Variants in KLHL32 observed in about 807,000 individuals in gnomAD.
KLHL32 encodes kelch-like protein 32.
Under a neutral mutation model 64.8 loss-of-function variants are expected in KLHL32, and 35 were observed. That is an observed-to-expected ratio of 0.54 (90% CI 0.41 to 0.72). The LOEUF (loss-of-function observed/expected upper bound fraction) is 0.72. Among genes scored for constraint, KLHL32 ranks in the 30% least tolerant of loss-of-function variants. The probability of loss-of-function intolerance (pLI) is 0.00; values close to 1 mark genes in which losing one functional copy is unlikely to be tolerated. For missense variants in KLHL32, 589 were observed against 768.5 expected (o/e 0.77, Z 2.76); for synonymous variants, 259 against 281.0 (o/e 0.92, Z 0.78).
intron 3 of KLHL32, among the ~76,000 whole-genome samples, chr6:97,023,640 C>T (rs2128106903): frequency 6.6e-6 from 1 of 152,300 alleles, no homozygotes; most frequent in East Asian, 1.9e-4. Context: ...ATGCATACTG[C>T]TGAAATGGAG....
intron 7 of KLHL32, among the ~76,000 whole-genome samples, chr6:97,126,811 T>G (rs1403725629): frequency 6.6e-6 from 1 of 152,234 alleles, no homozygotes; most frequent in Admixed American, 6.5e-5. Context: ...CTGGGGTATA[T>G]AAAATTTATT....
chr6:96,947,045 A>T (rs1309138361), intron 1 of KLHL32, among the ~76,000 whole-genome samples: 1 of 152,206 alleles, frequency 6.6e-6, no homozygotes, highest in Non-Finnish European at 1.5e-5. Flanking sequence ...AAATGTTAAA[A>T]GAAATTTATC....
intron 1 of KLHL32, among the ~76,000 whole-genome samples, chr6:96,936,313 T>G (rs1009625305): frequency 6.6e-6 from 1 of 152,226 alleles, no homozygotes; most frequent in African/African-American, 2.4e-5. Context: ...GAAACCTACC[T>G]TATAGTGAAG....
chr6:96,947,648 T>C (rs1772083462), intron 1 of KLHL32, among the ~76,000 whole-genome samples: 1 of 152,216 alleles, frequency 6.6e-6, no homozygotes, highest in Non-Finnish European at 1.5e-5. Flanking sequence ...TATTGCCTTT[T>C]GTACTCTGGC....
At chr6:96,928,634 T>C (rs1769467906) in intron 1 of KLHL32, among the ~76,000 whole-genome samples, 1 of 152,230 alleles carries the variant, frequency 6.6e-6, no homozygotes, top group Non-Finnish European at 1.5e-5. Context: ...ACCATGATGA[T>C]GTGTCTACAT....
intron 2 of KLHL32, among the ~76,000 whole-genome samples, chr6:96,973,985 G>T (rs9487633): frequency 6.6e-6 from 1 of 152,000 alleles, no homozygotes; most frequent in East Asian, 1.9e-4. Flanking sequence ...GCCTGCCAAA[G>T]TACTGGGATT....
chr6:97,012,800 G>A (rs1457523068), intron 3 of KLHL32, among the ~76,000 whole-genome samples: 1 of 152,194 alleles, frequency 6.6e-6, no homozygotes, highest in African/African-American at 2.4e-5. Flanking sequence ...CATATAAGAA[G>A]TAATTGGGTT....
chr6:97,112,452 T>C (rs540267345), intron 6 of KLHL32, among the ~76,000 whole-genome samples: 1 of 152,190 alleles, frequency 6.6e-6, no homozygotes, highest in East Asian at 1.9e-4. Context: ...ATTGATGATT[T>C]TTTTTTTTTC....
At chr6:97,056,106 C>CTTTTTTTTTTTTTTTTTTTTTTTTTTT (rs1171932769) in intron 4 of KLHL32, among the ~76,000 whole-genome samples, 9 of 85,072 alleles carry the variant, frequency 1.1e-4, no homozygotes, top group African/African-American at 2.2e-4. Context: ...CTTTTTTTTT[C>CTTTTTTTTTTTTTTTTTTTTTTTTTTT]TTTTTTTTTT....
At chr6:97,011,790 C>T (rs745409457) in intron 3 of KLHL32, among the ~76,000 whole-genome samples, 1 of 152,176 alleles carries the variant, frequency 6.6e-6, no homozygotes, top group Non-Finnish European at 1.5e-5. Flanking sequence ...AATGAATACA[C>T]TTCTTACTAA....
chr6:97,006,731 A>C (rs559753538), intron 3 of KLHL32, among the ~76,000 whole-genome samples: 49 of 152,158 alleles, frequency 3.2e-4, no homozygotes, highest in African/African-American at 1.1e-3. Flanking sequence ...AAAGGATCTT[A>C]TTTCTCCTTT....
chr6:97,007,791 C>G (rs1306438960), intron 3 of KLHL32, among the ~76,000 whole-genome samples: 1 of 152,164 alleles, frequency 6.6e-6, no homozygotes, highest in African/African-American at 2.4e-5. Context: ...TGCTCTAACT[C>G]TGGGGGGCTG....
the KLHL32 span, among the ~76,000 whole-genome samples, chr6:96,901,781 T>C: frequency 6.6e-6 from 1 of 152,106 alleles, no homozygotes. Flanking sequence ...TCCCCCTCCA[T>C]GTGTGTATGT....
the KLHL32 span, among the ~76,000 whole-genome samples, chr6:96,906,374 C>T: frequency 2.0e-5 from 3 of 152,046 alleles, no homozygotes; most frequent in Admixed American, 1.3e-4. Context: ...GTAAAGAGAC[C>T]GGGAGAATGG....
At chr6:97,052,153 T>C (rs1052503976) in intron 4 of KLHL32, among the ~76,000 whole-genome samples, 4 of 152,224 alleles carry the variant, frequency 2.6e-5, no homozygotes, top group Non-Finnish European at 4.4e-5. Flanking sequence ...TCCTTTATAT[T>C]TCAGTGTGTA....
chr6:97,042,996 C>T (rs1785360621), intron 4 of KLHL32, among the ~76,000 whole-genome samples: 2 of 152,188 alleles, frequency 1.3e-5, no homozygotes, highest in Admixed American at 6.5e-5. Context: ...GAGGCTGGCA[C>T]CTCCTTCCCA....
chr6:97,036,466 G>C (rs1784308142), intron 3 of KLHL32, among the ~76,000 whole-genome samples: 1 of 152,184 alleles, frequency 6.6e-6, no homozygotes, highest in Admixed American at 6.5e-5. Context: ...CTGAGCATTT[G>C]AAGGAGCAGT....
chr6:97,046,034 G>T (rs1476338399), intron 4 of KLHL32, among the ~76,000 whole-genome samples: 1 of 152,180 alleles, frequency 6.6e-6, no homozygotes, highest in Non-Finnish European at 1.5e-5. Context: ...CAATTATTCT[G>T]TCCAAACACC....
At position 96,932,639 on chromosome 6, in the gene KLHL32, T is replaced by G. The variant is rs1464814810; in HGVS notation, c.-66+7613T>G. On this transcript the variant is annotated intron_variant, in intron 1 of 10. Coordinates refer to ENST00000369261, the MANE Select transcript of KLHL32 (RefSeq NM_052904.4). ...GCTGGAGTGCAGTGGTATAGTCAGC[T>G]CATTGCAGACTTAATCTCCCGGGCT... is the stretch of plus-strand genomic sequence containing the variant. Among the ~76,000 whole-genome samples, 5 of 139,472 alleles carry G rather than the reference T, an allele frequency of 3.6e-5. No individual in the cohort carries two copies. The Admixed American group carries it at 3.8e-4, about 10-fold the overall frequency. The allele number at this position is 139,472 out of a possible 152,430, so 91.5% of individuals were successfully genotyped here. A position where few individuals can be genotyped will look rare whatever the true frequency, so the allele number is the denominator to read the frequency against.
Sources: allele counts gnomAD v4.1 joint callset (sites outside exome capture counted in the v4.1 genomes callset), GRCh38; gene constraint gnomAD v4.1.1; transcripts MANE v1.5; gene names NCBI Gene and HGNC (gene_info 2026-07-23, HGNC 2026-07-21).